Variants in MICAL2 observed in about 807,000 individuals in gnomAD.
MICAL2 encodes [F-actin]-monooxygenase MICAL2.
In MICAL2, 77 loss-of-function variants were observed where a neutral mutation model predicts 127.3. The observed-to-expected ratio is 0.60, with a 90% CI of 0.50 to 0.73. The LOEUF (loss-of-function observed/expected upper bound fraction) is 0.73. Ranked by LOEUF, MICAL2 falls within the 30% of genes least tolerant of loss-of-function variation. MICAL2 has a pLI of 0.00. For missense variants in MICAL2, 1,351 were observed against 1,434.4 expected, an observed-to-expected ratio of 0.94 and a Z score of 0.94; for synonymous variants, 570 against 551.1, an observed-to-expected ratio of 1.03 and a Z score of -0.48.
chr11:12,293,940 TG>T (rs1863938409), downstream of MICAL2: 1 of 1,613,438 alleles, frequency 6.2e-7, no homozygotes, highest in East Asian at 2.2e-5. Flanking sequence ...GGAGGGCCAG[TG>T]CTGGTAAAGG....
intron 33 of MICAL2, among the ~76,000 whole-genome samples, chr11:12,354,404 G>A (rs539101226): frequency 6.6e-6 from 1 of 152,096 alleles, no homozygotes; most frequent in African/African-American, 2.4e-5. Flanking sequence ...CCTGGGAGGT[G>A]GAGGTTGCAG....
At chr11:12,307,840 A>C (rs1190076539) in intron 29 of MICAL2, among the ~76,000 whole-genome samples, 1 of 152,316 alleles carries the variant, frequency 6.6e-6, no homozygotes, top group Non-Finnish European at 1.5e-5. Flanking sequence ...TTACACTAAA[A>C]GCACACTTTC....
intron 1 of MICAL2, among the ~76,000 whole-genome samples, chr11:12,138,114 C>A (rs1994318): frequency 0.52 from 79,288 of 152,066 alleles, 21,915 homozygotes; most frequent in Middle Eastern, 0.67. Context: ...CCCTCCTACT[C>A]CTCAGCAAAG....
At chr11:12,273,857 A>T (rs1217200615), upstream of MICAL2, among the ~76,000 whole-genome samples, 1 of 152,098 alleles carries the variant, frequency 6.6e-6, no homozygotes, top group East Asian at 1.9e-4. Flanking sequence ...TGTGAATTGG[A>T]CTTAGAAACA....
In MICAL2 at chr11:12,330,822, G is replaced by GAGAGAGAGAGA. The variant is rs1555022632; in HGVS notation, c.5515+3556_5515+3557insAGAGAGAGAGA. Reference sequence around the variant, plus strand: ...GAGAGAGACAGAGAGAGAGAGAGAGGGAGAGACAGACAGAGAGAGAGAGAG... The same window carrying GAGAGAGAGAGA: ...GAGAGAGACAGAGAGAGAGAGAGAGGAGAGAGAGAGAGAGAGACAGACAGAGAGAGAGAGAG... On this transcript the variant is annotated intron_variant, in intron 32 of 34. Transcript: ENST00000646065. Among the ~76,000 whole-genome samples, 523 of 129,604 alleles carry GAGAGAGAGAGA rather than the reference G, an allele frequency of 4.0e-3. 21 individuals carry two copies. Among genetic ancestry groups the GAGAGAGAGAGA allele is most frequent in the Non-Finnish European group, 6.5e-3 (395 of 60,552 alleles). The allele number at this position is 129,604 out of a possible 152,430, so 85.0% of individuals were successfully genotyped here.
intron 2 of MICAL2, among the ~76,000 whole-genome samples, chr11:12,284,345 T>C (rs1276844564): frequency 6.6e-6 from 1 of 152,206 alleles, no homozygotes; most frequent in African/African-American, 2.4e-5. Context: ...CAGTGGGTCA[T>C]GCACTAAGAT....
chr11:12,242,513 G>A, intron 19 of MICAL2, 81 bp downstream of exon 19: 2 of 1,500,402 alleles, frequency 1.3e-6, no homozygotes, highest in South Asian at 2.4e-5. Context: ...ACCCGGGTGG[G>A]TTCCTCCTCC....
chr11:12,204,763 T>G (rs942071902), intron 4 of MICAL2, among the ~76,000 whole-genome samples: 2 of 152,182 alleles, frequency 1.3e-5, no homozygotes, highest in Admixed American at 1.3e-4. Context: ...GTTGGATGAT[T>G]GAGTGAAACA....
At chr11:12,349,075 A>T (rs4517497) in intron 32 of MICAL2, among the ~76,000 whole-genome samples, 1 of 152,082 alleles carries the variant, frequency 6.6e-6, no homozygotes, top group Admixed American at 6.5e-5. Flanking sequence ...TTCTAGGATG[A>T]CCATGAGCTT....
intron 2 of MICAL2, among the ~76,000 whole-genome samples, chr11:12,149,669 G>A (rs779252328): frequency 6.6e-6 from 1 of 152,166 alleles, no homozygotes; most frequent in Non-Finnish European, 1.5e-5. Flanking sequence ...GAGTCACGAT[G>A]GTGCTGCTCA....
At chr11:12,356,307 T>C (rs1321072844) in intron 34 of MICAL2, among the ~76,000 whole-genome samples, 1 of 152,208 alleles carries the variant, frequency 6.6e-6, no homozygotes, top group Non-Finnish European at 1.5e-5. Context: ...TACCCCTCCA[T>C]GGTAAACTTA....
downstream of MICAL2, among the ~76,000 whole-genome samples, chr11:12,264,161 T>C (rs1301386320): frequency 6.6e-6 from 1 of 152,186 alleles, no homozygotes; most frequent in Non-Finnish European, 1.5e-5. Context: ...GCTTTCCCCA[T>C]GAACCTTACA....
intron 32 of MICAL2, among the ~76,000 whole-genome samples, chr11:12,335,623 T>C (rs1339981296): frequency 6.6e-6 from 1 of 152,210 alleles, no homozygotes; most frequent in East Asian, 1.9e-4. Flanking sequence ...CTTGAATTAA[T>C]TTTTGTATAA....
At chr11:12,326,345 G>A (rs978384039) in intron 31 of MICAL2, among the ~76,000 whole-genome samples, 1 of 152,162 alleles carries the variant, frequency 6.6e-6, no homozygotes, top group African/African-American at 2.4e-5. Context: ...GAAAATGGAT[G>A]GGGATGAACA....
chr11:12,161,143 G>A (rs2133797663), intron 2 of MICAL2, among the ~76,000 whole-genome samples: 1 of 152,262 alleles, frequency 6.6e-6, no homozygotes, highest in South Asian at 2.1e-4. Context: ...TGCCAGCTTT[G>A]GATTCTGGAA....
chr11:12,135,848 C>G (rs1851792088), intron 1 of MICAL2, among the ~76,000 whole-genome samples: 1 of 152,220 alleles, frequency 6.6e-6, no homozygotes, highest in Non-Finnish European at 1.5e-5. Flanking sequence ...CTGCTGCATG[C>G]TGCTGAGGGG....
At chr11:12,350,019 T>G (rs990252486) in intron 33 of MICAL2, 14 of 1,101,106 alleles carry the variant, frequency 1.3e-5, no homozygotes, top group Middle Eastern at 4.2e-4. Context: ...GGCCGAAGTC[T>G]CGGGACTTTT....
rs532852570 is a variant in MICAL2 at position 12,353,159 on chromosome 11, A to G, written c.5616-1625A>G. On this transcript the variant is annotated intron_variant, in intron 33 of 34. Transcript: ENST00000646065. ...AAAATAACGCCAGTAACCGGGTATAACAAAGCGACCCCAGCACCTATAGGG... is the reference window on the plus strand; with the variant it reads ...AAAATAACGCCAGTAACCGGGTATAGCAAAGCGACCCCAGCACCTATAGGG... 2.6e-3 allele frequency among the ~76,000 whole-genome samples: 389 copies of G among 152,304 alleles called. 1 individual carries two copies. The highest frequency in any genetic ancestry group is 4.5e-3 in the Non-Finnish European group (303 of 68,022).
intron 3 of MICAL2, among the ~76,000 whole-genome samples, chr11:12,179,717 G>A (rs1205601408): frequency 2.0e-5 from 3 of 152,000 alleles, no homozygotes; most frequent in African/African-American, 2.4e-5. Context: ...CTAATTCTGC[G>A]TCCTGCTCTC....
Sources: gnomAD v4.1 joint callset for allele counts (sites outside exome capture counted in the v4.1 genomes callset) on GRCh38, gnomAD v4.1.1 for gene constraint, MANE v1.5 for transcripts, NCBI Gene and HGNC (gene_info 2026-07-23, HGNC 2026-07-21) for gene names.